The following CTNS variants were observed in gnomAD, a reference collection of about 807,000 sequenced individuals.
The protein encoded by CTNS is cystinosin.
Under a neutral mutation model 43.7 loss-of-function variants are expected in CTNS, and 27 were observed. The observed-to-expected ratio is 0.62, with a 90% CI of 0.46 to 0.85. The LOEUF is 0.85. Among genes scored for constraint, CTNS ranks in the 40% least tolerant of loss-of-function variants. CTNS has a pLI of 0.00. For missense variants in CTNS, 457 were observed against 475.4 expected, an observed-to-expected ratio of 0.96 and a Z score of 0.36; for synonymous variants, 187 against 190.6, an observed-to-expected ratio of 0.98 and a Z score of 0.16.
In CTNS at chr17:3,655,096, G is replaced by C; in HGVS notation, c.324G>C (p.Gln108His). The change falls in exon 6 of 12, where the codon CAG becomes CAC. Residue 108 changes from glutamine to histidine, a missense_variant. Transcript: ENST00000046640. ...TVYLHGNHSN[Q>H]TGPRIRFLVI... Reference sequence around the variant, plus strand: ...ATCTACATGGAAATCACTCCAATCAGACCGGGTAGGCTGGCCTCAGGGTGT... The same window carrying C: ...ATCTACATGGAAATCACTCCAATCACACCGGGTAGGCTGGCCTCAGGGTGT... 1 of 1,613,952 alleles carries C rather than the reference G, an allele frequency of 6.2e-7. No individual in the cohort carries two copies. Among genetic ancestry groups the C allele is most frequent in the Non-Finnish European group, 8.5e-7 (1 of 1,179,820 alleles).
intron 5 of CTNS, among the ~76,000 whole-genome samples, chr17:3,650,837 C>T (rs1239155414): frequency 6.6e-6 from 1 of 152,194 alleles, no homozygotes; most frequent in Admixed American, 6.5e-5. Context: ...GAGCTTCACT[C>T]TGTCGCCCAG....
chr17:3,653,654 T>A (rs1320528285), intron 5 of CTNS, among the ~76,000 whole-genome samples: 5 of 152,084 alleles, frequency 3.3e-5, no homozygotes, highest in Admixed American at 3.3e-4. Context: ...GGTGGGTGGA[T>A]CACTTGAGGC....
intron 10 of CTNS, among the ~76,000 whole-genome samples, chr17:3,659,006 T>A (rs1335305178): frequency 7.0e-6 from 1 of 143,742 alleles, no homozygotes. Context: ...TTTGGGGAAG[T>A]GGGCCCCAGT....
At position 3,640,943 on chromosome 17, in the gene CTNS, T is replaced by A. The variant is rs75787856; in HGVS notation, c.61+676T>A. Among the ~76,000 whole-genome samples, 98 of 152,240 alleles carry A rather than the reference T, an allele frequency of 6.4e-4. No individual in the cohort carries two copies. The East Asian group carries it at 0.018, about 29-fold the overall frequency. On this transcript the variant is annotated intron_variant, in intron 3 of 11. Coordinates refer to ENST00000046640, the MANE Select transcript of CTNS (RefSeq NM_004937.3). ...AGAAGAATGGCTTATGCCTCTGCCC[T>A]GTGGACCTCACAGAGAGAGTCTTGG... is the stretch of plus-strand genomic sequence containing the variant.
Position 3,660,040 on chromosome 17 carries a change from G to C in CTNS, c.970+65G>C, listed in dbSNP as rs372637728. On this transcript the variant is annotated intron_variant, in intron 11 of 11. Coordinates refer to ENST00000046640, the MANE Select transcript of CTNS (RefSeq NM_004937.3). ...GGCATCGGGCGGGGCCAGCCTTCCC[G>C]GGACCTTCCAGCCAGGGCTCCACCC... 47 of 1,509,612 alleles carry C rather than the reference G, an allele frequency of 3.1e-5. No individual in the cohort carries two copies. In the South Asian group the frequency reaches 4.8e-4, roughly 16 times the overall value. The allele number at this position is 1,509,612 out of a possible 1,614,324, so 93.5% of individuals were successfully genotyped here.
intron 3 of CTNS, among the ~76,000 whole-genome samples, chr17:3,644,753 C>T (rs2075806146): frequency 1.3e-5 from 2 of 152,132 alleles, no homozygotes; most frequent in East Asian, 1.9e-4. Context: ...CCTGAGCCAC[C>T]GCGCCCGGCC....
chr17:3,651,611 A>G (rs1002792347), intron 5 of CTNS, among the ~76,000 whole-genome samples: 2 of 152,134 alleles, frequency 1.3e-5, no homozygotes, highest in African/African-American at 4.8e-5. Context: ...GTCTGTAGAC[A>G]TTTCATCAAG....
chr17:3,655,422 C>T lies in CTNS; in HGVS notation c.461+70C>T, dbSNP rs538480891. The T allele has an allele frequency of 1.9e-4, 299 of 1,597,140 alleles. No homozygotes were observed. In the East Asian group the frequency reaches 5.3e-3, roughly 29 times the overall value. On this transcript the variant is annotated intron_variant, in intron 7 of 11. Transcript: ENST00000046640. ...GAGCAGGGCGTTCCAGCAAGGCTGC[C>T]GATAGCGCAGCCTCCAACGTCCCCT...
intron 10 of CTNS, among the ~76,000 whole-genome samples, chr17:3,658,841 G>A (rs529059152): frequency 9.8e-5 from 15 of 152,352 alleles, no homozygotes; most frequent in South Asian, 2.1e-4. Flanking sequence ...CAAGGAGCCC[G>A]GGCGTTCCGG....
rs1335969614 is a variant in CTNS at position 3,636,810 on chromosome 17, C to G, written c.-251C>G. ...GCTCATGCGTCCCGTGAGGGCGGTTCCTCGAGCCTGGGGGCGCTCAGGTGA... is the reference window on the plus strand; with the variant it reads ...GCTCATGCGTCCCGTGAGGGCGGTTGCTCGAGCCTGGGGGCGCTCAGGTGA... On this transcript the variant is annotated 5_prime_UTR_variant, in exon 1 of 12. Coordinates refer to ENST00000046640, the MANE Select transcript of CTNS (RefSeq NM_004937.3). 2 of 152,484 alleles carry G rather than the reference C, an allele frequency of 1.3e-5. No individual in the cohort carries two copies. The highest frequency in any genetic ancestry group is 2.9e-5 in the Non-Finnish European group (2 of 68,106). 9.4% of individuals were successfully genotyped at this position (152,484 alleles called of 1,614,324 possible).
chr17:3,648,959 AG>A, intron 5 of CTNS, 28 bp downstream of exon 5: 2 of 1,540,454 alleles, frequency 1.3e-6, no homozygotes, highest in Non-Finnish European at 1.8e-6. Context: ...ACGGATGGGT[AG>A]GGAAATGCTA....
At position 3,659,866 on chromosome 17, in the gene CTNS, G is replaced by C. The variant is rs922106812; in HGVS notation, c.861G>C (p.Met287Ile). 6.2e-7 allele frequency: 1 copy of C among 1,613,606 alleles called. No homozygotes were observed. Among genetic ancestry groups the C allele is most frequent in the Non-Finnish European group, 8.5e-7 (1 of 1,179,802 alleles). Residue 287 changes from methionine (M) to isoleucine (I), a missense_variant, in exon 11 of 12, where the codon ATG becomes ATC. Physicochemically the swap from Met to Ile is conservative, Grantham distance 10 (BLOSUM62 1). Coordinates refer to ENST00000046640, the MANE Select transcript of CTNS (RefSeq NM_004937.3). The part of the protein sequence containing the change: ...TLVKYFPQAY[M>I]NFYYKSTEGW... ...CCGTCTGTCTGGCCCAGGCCTACAT[G>C]AACTTTTACTACAAAAGCACTGAGG...
intron 5 of CTNS, among the ~76,000 whole-genome samples, chr17:3,652,130 G>A (rs4790530): frequency 0.14 from 20,558 of 152,150 alleles, 1,791 homozygotes; most frequent in East Asian, 0.25. Flanking sequence ...CCGTGATGCT[G>A]GAAGCCTCTG....
At chr17:3,642,064 C>CGCGTGTGTGT (rs1555558860) in intron 3 of CTNS, among the ~76,000 whole-genome samples, 1 of 139,782 alleles carries the variant, frequency 7.2e-6, no homozygotes, top group Non-Finnish European at 1.6e-5. Flanking sequence ...TGTACCCGGG[C>CGCGTGTGTGT]GTGTGTGTGT....
At chr17:3,648,188 C>G (rs1013502139) in intron 4 of CTNS, among the ~76,000 whole-genome samples, 1 of 152,318 alleles carries the variant, frequency 6.6e-6, no homozygotes, top group South Asian at 2.1e-4. Flanking sequence ...CGAGATCTGG[C>G]CTGAAAGCAA....
rs1264186439 is a variant in CTNS at position 3,661,545 on chromosome 17, CTG to C, written c.*1181_*1182del. 1.0e-5 allele frequency: 1 copy of C among 99,698 alleles called. No individual in the cohort carries two copies. Among genetic ancestry groups the C allele is most frequent in the Non-Finnish European group, 2.3e-5 (1 of 42,644 alleles). 6.2% of individuals were successfully genotyped at this position (99,698 alleles called of 1,614,324 possible). ...AACCTACTCGCTTCCTTTCTGCACT[CTG>C]TGTGCTCGATACAGAAGGCAGGTGT... On this transcript the variant is annotated 3_prime_UTR_variant, in exon 12 of 12. Coordinates refer to ENST00000046640, the MANE Select transcript of CTNS (RefSeq NM_004937.3).
rs2076163501 is a variant in CTNS at position 3,656,942 on chromosome 17, T to C, written c.681+147T>C. 3.0e-6 allele frequency: 4 copies of C among 1,320,034 alleles called. No individual in the cohort carries two copies. The South Asian group carries it at 5.1e-5, about 17-fold the overall frequency. 81.8% of individuals were successfully genotyped at this position (1,320,034 alleles called of 1,614,324 possible). On this transcript the variant is annotated intron_variant, in intron 9 of 11. Transcript: ENST00000046640. ...CTGTGCTGGGCATAGAAGACACCCA[T>C]GAGTCCAGGCCCTCAGAGCCCCCCA...
At chr17:3,652,988 G>A (rs1452853264) in intron 5 of CTNS, among the ~76,000 whole-genome samples, 1 of 152,216 alleles carries the variant, frequency 6.6e-6, no homozygotes, top group Non-Finnish European at 1.5e-5. Flanking sequence ...ACTGAAGGAT[G>A]TGGTAGAGCG....
chr17:3,645,097 A>G (rs1462816107), intron 3 of CTNS, among the ~76,000 whole-genome samples: 2 of 152,176 alleles, frequency 1.3e-5, no homozygotes. Flanking sequence ...AGCTCTAGGC[A>G]GAATTGAACT....
Sources: allele counts gnomAD v4.1 joint callset (sites outside exome capture counted in the v4.1 genomes callset), GRCh38; gene constraint gnomAD v4.1.1; transcripts MANE v1.5; gene names NCBI Gene and HGNC (gene_info 2026-07-23, HGNC 2026-07-21).